Variants in LRRC8D observed in about 807,000 individuals in gnomAD.
The protein encoded by LRRC8D is volume-regulated anion channel subunit LRRC8D.
In LRRC8D, 20 loss-of-function variants were observed where a neutral mutation model predicts 55.8. The ratio of observed to expected loss-of-function variants is 0.36; its 90% CI spans 0.25 to 0.52. The LOEUF (loss-of-function observed/expected upper bound fraction) is 0.52. Ranked by LOEUF, LRRC8D falls within the 20% of genes least tolerant of loss-of-function variation. The pLI is 0.93. For missense variants in LRRC8D, 651 were observed against 1,030.8 expected, an observed-to-expected ratio of 0.63 and a Z score of 5.05; for synonymous variants, 352 against 377.0, an observed-to-expected ratio of 0.93 and a Z score of 0.77.
At chr1:89,885,177 T>G (rs537582264) in intron 2 of LRRC8D, among the ~76,000 whole-genome samples, 1 of 152,360 alleles carries the variant, frequency 6.6e-6, no homozygotes, top group South Asian at 2.1e-4. Context: ...TGGCAAAATC[T>G]TACCCTTTGA....
chr1:89,887,816 C>T (rs1662462025), intron 2 of LRRC8D, among the ~76,000 whole-genome samples: 3 of 152,142 alleles, frequency 2.0e-5, no homozygotes, highest in African/African-American at 4.8e-5. Flanking sequence ...TATGGCATGG[C>T]ATTCTTCTTC....
At position 89,933,236 on chromosome 1, in the gene LRRC8D, A is replaced by C. The variant is rs772885671; in HGVS notation, c.168A>C (p.Pro56=). 3.1e-6 allele frequency: 5 copies of C among 1,614,086 alleles called. No homozygotes were observed. The African/African-American group carries it at 6.7e-5, about 22-fold the overall frequency. Residue 56 remains proline, a synonymous_variant, in exon 3 of 3, where the codon CCA becomes CCC. Transcript: ENST00000337338. This position sits in a 1 kb window ranked among gnomAD's most constrained non-coding sequence, Gnocchi z 7.0. ...CCAAAGATCAGGTGGTCTGTTTGCC[A>C]GTATTGCCATCTCCTGTAAATTCAA... is the stretch of plus-strand genomic sequence containing the variant. ...QLTKDQVVCL[P]VLPSPVNSKA...
Position 89,890,975 on chromosome 1 carries a change from G to A in LRRC8D, c.-2-42092G>A, listed in dbSNP as rs544549337. 5.9e-5 allele frequency among the ~76,000 whole-genome samples: 9 copies of A among 152,152 alleles called. No homozygotes were observed. The South Asian group carries it at 1.0e-3, about 18-fold the overall frequency. ...CGGCACACTGCAAGCTCCGCCTCCC[G>A]GGTTCACACCATTCTGCTGCCTCAG... On this transcript the variant is annotated intron_variant, in intron 2 of 2. Coordinates refer to ENST00000337338, the MANE Select transcript of LRRC8D (RefSeq NM_001134479.2).
At chr1:89,887,944 T>C (rs1224149558) in intron 2 of LRRC8D, among the ~76,000 whole-genome samples, 2 of 152,182 alleles carry the variant, frequency 1.3e-5, no homozygotes, top group Non-Finnish European at 2.9e-5. Flanking sequence ...ACCCTGAGTT[T>C]ATTATCTGAT....
Position 89,934,933 on chromosome 1 carries a change from G to C in LRRC8D, c.1865G>C (p.Gly622Ala). ...HLTKLVIHND[G>A]TKLLVLNSLK... ...ACAAAGTTAGTCATTCATAATGACG[G>C]CACTAAACTCTTGGTACTGAACAGC... is the stretch of plus-strand genomic sequence containing the variant. Residue 622 changes from glycine (G) to alanine (A), a missense_variant, in exon 3 of 3, where the codon GGC becomes GCC. This residue lies in a region of LRRC8D where 338 missense variants were observed against 479.4 expected (regional missense o/e 0.71). Coordinates refer to ENST00000337338, the MANE Select transcript of LRRC8D (RefSeq NM_001134479.2). This position sits in a 1 kb window ranked among gnomAD's most constrained non-coding sequence, Gnocchi z 5.9. 6.2e-7 allele frequency: 1 copy of C among 1,614,032 alleles called. No homozygotes were observed. Among genetic ancestry groups the C allele is most frequent in the African/African-American group, 1.3e-5 (1 of 75,016 alleles).
At chr1:89,901,722 A>G (rs1206986734) in intron 2 of LRRC8D, among the ~76,000 whole-genome samples, 2 of 152,206 alleles carry the variant, frequency 1.3e-5, no homozygotes, top group African/African-American at 4.8e-5. Flanking sequence ...ATAATTTGAT[A>G]TTTGCTGCTT....
chr1:89,897,373 G>T (rs1489613837), intron 2 of LRRC8D, among the ~76,000 whole-genome samples: 1 of 152,178 alleles, frequency 6.6e-6, no homozygotes, highest in African/African-American at 2.4e-5. Context: ...CTACAGGCCT[G>T]TTGCCATTTT....
chr1:89,835,057 G>A (rs763206783), intron 1 of LRRC8D, among the ~76,000 whole-genome samples: 4 of 56,940 alleles, frequency 7.0e-5, no homozygotes, highest in Non-Finnish European at 1.1e-4. Flanking sequence ...TCTGGTGGTA[G>A]CATGGGCTTT....
At chr1:89,927,649 C>G (rs1031368786) in intron 2 of LRRC8D, among the ~76,000 whole-genome samples, 1 of 152,196 alleles carries the variant, frequency 6.6e-6, no homozygotes, top group African/African-American at 2.4e-5. Context: ...AACATTGACA[C>G]ACTCACCAGA....
At chr1:89,830,529 A>T (rs1375567863) in intron 1 of LRRC8D, among the ~76,000 whole-genome samples, 2 of 152,252 alleles carry the variant, frequency 1.3e-5, no homozygotes, top group African/African-American at 4.8e-5. Context: ...AGAGTTGGAT[A>T]CTAGCAGTAG....
At chr1:89,836,617 C>A (rs1422376988) in intron 1 of LRRC8D, among the ~76,000 whole-genome samples, 1 of 152,196 alleles carries the variant, frequency 6.6e-6, no homozygotes, top group African/African-American at 2.4e-5. Flanking sequence ...TACGATCATG[C>A]TCTGTGAAGT....
At chr1:89,859,351 A>G (rs1407482036) in intron 2 of LRRC8D, among the ~76,000 whole-genome samples, 4 of 152,156 alleles carry the variant, frequency 2.6e-5, no homozygotes, top group South Asian at 4.1e-4. Context: ...AGTTGTTACT[A>G]TCTTAACACA....
chr1:89,854,919 G>T (rs534619347), intron 2 of LRRC8D, among the ~76,000 whole-genome samples: 1 of 152,184 alleles, frequency 6.6e-6, no homozygotes, highest in African/African-American at 2.4e-5. Flanking sequence ...TGGGATTTGC[G>T]TGTGGGGTAG....
In LRRC8D at chr1:89,821,088, CCGCT is replaced by C. The variant is rs1660616143; in HGVS notation, c.-350_-347del. 6 of 153,658 alleles carry C rather than the reference CCGCT, an allele frequency of 3.9e-5. No homozygotes were observed. The highest frequency in any genetic ancestry group is 7.3e-5 in the Non-Finnish European group (5 of 68,680). The allele number at this position is 153,658 out of a possible 1,614,324, so 9.5% of individuals were successfully genotyped here. A position where few individuals can be genotyped will look rare whatever the true frequency, so the allele number is the denominator to read the frequency against. On this transcript the variant is annotated 5_prime_UTR_variant, in exon 1 of 3. It introduces an in-frame stop codon into an upstream open reading frame of the 5' UTR. Transcript: ENST00000337338. ...GCTCCCGTCGCCGCTGCTGCCGCTG[CCGCT>C]GCCGCCGCCCGTGGTGCCCCGGCTC...
intron 2 of LRRC8D, among the ~76,000 whole-genome samples, chr1:89,892,064 A>G (rs1325927227): frequency 6.6e-6 from 1 of 152,180 alleles, no homozygotes; most frequent in Non-Finnish European, 1.5e-5. Context: ...ACCCCAGTTC[A>G]TCCTACCTGA....
At chr1:89,847,154 C>G (rs1045434730) in intron 2 of LRRC8D, among the ~76,000 whole-genome samples, 4 of 152,152 alleles carry the variant, frequency 2.6e-5, no homozygotes, top group African/African-American at 9.7e-5. Flanking sequence ...AGTTGAGGCT[C>G]TCTTTAGTTA....
At chr1:89,914,754 A>G (rs1663218965) in intron 2 of LRRC8D, among the ~76,000 whole-genome samples, 1 of 149,344 alleles carries the variant, frequency 6.7e-6, no homozygotes, top group African/African-American at 2.5e-5. Flanking sequence ...AATTTTTTAC[A>G]TATAGTGAAG....
At chr1:89,827,761 C>T (rs1660797914) in intron 1 of LRRC8D, among the ~76,000 whole-genome samples, 1 of 152,190 alleles carries the variant, frequency 6.6e-6, no homozygotes. Context: ...AGGGATTTAT[C>T]TCTCTTGTTC....
intron 2 of LRRC8D, among the ~76,000 whole-genome samples, chr1:89,861,833 A>G (rs1423073370): frequency 1.3e-5 from 2 of 152,186 alleles, no homozygotes; most frequent in Non-Finnish European, 2.9e-5. Flanking sequence ...TCTTCATCTA[A>G]GTTTCTGTTT....
Sources: gnomAD v4.1 joint callset for allele counts (sites outside exome capture counted in the v4.1 genomes callset) on GRCh38, gnomAD v4.1.1 for gene constraint, gnomAD v4.1.1 regional missense constraint, Gnocchi (gnomAD v3.1) non-coding constraint, MANE v1.5 for transcripts, NCBI Gene and HGNC (gene_info 2026-07-23, HGNC 2026-07-21) for gene names.